The following THSD4 variants were observed in gnomAD, a reference collection of about 807,000 sequenced individuals.
THSD4 encodes the protein thrombospondin type-1 domain-containing protein 4.
Under a neutral mutation model 119.0 loss-of-function variants are expected in THSD4, and 69 were observed. The observed-to-expected ratio is 0.58, with a 90% CI of 0.48 to 0.71. The LOEUF (loss-of-function observed/expected upper bound fraction) is 0.71. Ranked by LOEUF, THSD4 falls within the 30% of genes least tolerant of loss-of-function variation. THSD4 has a pLI of 0.00. For missense variants in THSD4, 1,393 were observed against 1,391.1 expected (o/e 1.00, Z -0.02); for synonymous variants, 524 against 540.4 (o/e 0.97, Z 0.42).
chr15:71,148,063 A>G (rs2141377146), intron 2 of THSD4, among the ~76,000 whole-genome samples: 1 of 151,932 alleles, frequency 6.6e-6, no homozygotes, highest in East Asian at 1.9e-4. Flanking sequence ...TGGCTGCAAG[A>G]CCTGAGAACC....
At chr15:71,457,657 G>A (rs2047359676) in intron 7 of THSD4, among the ~76,000 whole-genome samples, 1 of 152,128 alleles carries the variant, frequency 6.6e-6, no homozygotes, top group Non-Finnish European at 1.5e-5. Flanking sequence ...TGACCCTGGG[G>A]CCTTTACCAG....
Position 71,783,141 on chromosome 15 carries a change from C to T in THSD4, c.*5767C>T, listed in dbSNP as rs1234367066. 1 of 152,212 alleles carries T rather than the reference C, an allele frequency of 6.6e-6. No individual in the cohort carries two copies. Among genetic ancestry groups the T allele is most frequent in the Admixed American group, 6.5e-5 (1 of 15,280 alleles). 9.4% of individuals were successfully genotyped at this position (152,212 alleles called of 1,614,324 possible). On this transcript the variant is annotated 3_prime_UTR_variant, in exon 18 of 18. Coordinates refer to ENST00000261862, the MANE Select transcript of THSD4 (RefSeq NM_024817.3). The stretch of plus-strand genomic sequence containing the variant: ...TCCCCTCTACAGTGTTAAATTATTA[C>T]ATAAGCAGGTGAAAGGTAGAAGGCG...
At chr15:71,697,844 A>C (rs1278877463) in intron 8 of THSD4, among the ~76,000 whole-genome samples, 1 of 152,222 alleles carries the variant, frequency 6.6e-6, no homozygotes, top group African/African-American at 2.4e-5. Context: ...TTTGCAGCAC[A>C]AGATATGATG....
intron 16 of THSD4, among the ~76,000 whole-genome samples, chr15:71,770,220 C>T (rs1355281226): frequency 8.2e-6 from 1 of 121,262 alleles, no homozygotes; most frequent in African/African-American, 3.4e-5. Context: ...TGCACTCCAG[C>T]CTGGGCAACA....
rs80094885 is a variant in THSD4, at chr15:71,523,747, C to T, written c.1152+111924C>T. On this transcript the variant is annotated intron_variant, in intron 7 of 17. Transcript: ENST00000261862. ...GGAGATATTTCATGGAAGAATTTGC[C>T]AGAACTTGGTGATAAATTTTGGTGT... 3.2e-3 allele frequency among the ~76,000 whole-genome samples: 485 copies of T among 152,244 alleles called. 2 individuals are homozygous for T. The highest frequency in any genetic ancestry group is 0.011 in the African/African-American group (438 of 41,562).
At chr15:71,702,716 C>T (rs1212636363) in intron 8 of THSD4, among the ~76,000 whole-genome samples, 1 of 152,184 alleles carries the variant, frequency 6.6e-6, no homozygotes, top group Non-Finnish European at 1.5e-5. Flanking sequence ...ACAGTTCTTT[C>T]TTTCTGCAAT....
At chr15:71,651,228 C>T (rs2051081610) in intron 7 of THSD4, among the ~76,000 whole-genome samples, 2 of 152,202 alleles carry the variant, frequency 1.3e-5, no homozygotes. Flanking sequence ...GTCCAGTTGG[C>T]CATTCCTTCA....
intron 3 of THSD4, chr15:71,167,191 T>C (rs2043301883): frequency 6.6e-6 from 1 of 152,202 alleles, no homozygotes; most frequent in Non-Finnish European, 1.5e-5. Context: ...CATTTATTCC[T>C]GCAAGATGTG....
intron 7 of THSD4, among the ~76,000 whole-genome samples, chr15:71,598,493 G>C (rs992152697): frequency 6.6e-6 from 1 of 152,154 alleles, no homozygotes; most frequent in African/African-American, 2.4e-5. Flanking sequence ...GAAGACTGGG[G>C]AGAAGGGTCC....
chr15:71,620,404 G>A (rs1258991889), intron 7 of THSD4, among the ~76,000 whole-genome samples: 2 of 151,810 alleles, frequency 1.3e-5, no homozygotes, highest in East Asian at 1.9e-4. Context: ...ATCAGCTTGG[G>A]GAACATAGCA....
chr15:71,705,446 C>T (rs2052375776), intron 8 of THSD4, among the ~76,000 whole-genome samples: 1 of 152,188 alleles, frequency 6.6e-6, no homozygotes, highest in South Asian at 2.1e-4. Context: ...GAAGTGTCTC[C>T]TCTAACCCCG....
chr15:71,619,144 A>AT (rs2050375089), intron 7 of THSD4, among the ~76,000 whole-genome samples: 1 of 150,864 alleles, frequency 6.6e-6, no homozygotes. Context: ...TAATTTTTGT[A>AT]TTTTTTTAGT....
rs551639391 is a variant in THSD4 at position 71,596,754 on chromosome 15, G to A, written c.1153-63776G>A. Among the ~76,000 whole-genome samples the A allele has an allele frequency of 4.6e-5, 7 of 152,338 alleles. No homozygotes were observed. The East Asian group carries it at 1.3e-3, about 29-fold the overall frequency. ...TTCTACATGGTAGGGTTAGAATCCTGCGGGCCTCCTGGCTGGGGAGCGCAG... is the reference window on the plus strand; with the variant it reads ...TTCTACATGGTAGGGTTAGAATCCTACGGGCCTCCTGGCTGGGGAGCGCAG... On this transcript the variant is annotated intron_variant, in intron 7 of 17. Coordinates refer to ENST00000261862, the MANE Select transcript of THSD4 (RefSeq NM_024817.3).
intron 4 of THSD4, among the ~76,000 whole-genome samples, chr15:71,239,045 C>T (rs1208617111): frequency 6.6e-6 from 1 of 152,100 alleles, no homozygotes; most frequent in African/African-American, 2.4e-5. Context: ...CATTATTTGC[C>T]AAAGTTGGTA....
At chr15:71,556,984 A>C (rs911859564) in intron 7 of THSD4, among the ~76,000 whole-genome samples, 1 of 151,780 alleles carries the variant, frequency 6.6e-6, no homozygotes, top group Non-Finnish European at 1.5e-5. Flanking sequence ...AATTTTTATA[A>C]TTTTTATTTC....
At chr15:71,230,243 A>T (rs1181667456) in intron 4 of THSD4, among the ~76,000 whole-genome samples, 1 of 152,190 alleles carries the variant, frequency 6.6e-6, no homozygotes, top group Admixed American at 6.5e-5. Flanking sequence ...CTGGAGGGCC[A>T]CACAGGTTCA....
At chr15:71,716,562 G>A (rs2052611739) in intron 8 of THSD4, among the ~76,000 whole-genome samples, 1 of 56,826 alleles carries the variant, frequency 1.8e-5, no homozygotes, top group Non-Finnish European at 3.4e-5. Context: ...AGAGTGTGGG[G>A]TGTGTGTGTG....
At chr15:71,492,576 T>C (rs2047937645) in intron 7 of THSD4, among the ~76,000 whole-genome samples, 1 of 152,120 alleles carries the variant, frequency 6.6e-6, no homozygotes, top group Non-Finnish European at 1.5e-5. Flanking sequence ...GGTTTTGTTT[T>C]GAAGGGAAGC....
chr15:71,180,918 A>G (rs1025738093), intron 3 of THSD4, among the ~76,000 whole-genome samples: 5 of 152,136 alleles, frequency 3.3e-5, no homozygotes, highest in East Asian at 3.8e-4. Context: ...TACTTTATGT[A>G]TGTTATACCT....
Sources: gnomAD v4.1 joint callset for allele counts (sites outside exome capture counted in the v4.1 genomes callset) on GRCh38, gnomAD v4.1.1 for gene constraint, MANE v1.5 for transcripts, NCBI Gene and HGNC (gene_info 2026-07-23, HGNC 2026-07-21) for gene names.